Variants in INVS observed in about 807,000 individuals in gnomAD.
The protein encoded by INVS is inversin.
Under a neutral mutation model 108.8 loss-of-function variants are expected in INVS, and 86 were observed. The ratio of observed to expected loss-of-function variants is 0.79; its 90% CI spans 0.66 to 0.95. The LOEUF (loss-of-function observed/expected upper bound fraction) is 0.95. Among genes scored for constraint, INVS ranks in the 40% least tolerant of loss-of-function variants. The pLI is 0.00. For missense variants in INVS, 1,169 were observed against 1,297.4 expected, an observed-to-expected ratio of 0.90 and a Z score of 1.52; for synonymous variants, 455 against 473.5, an observed-to-expected ratio of 0.96 and a Z score of 0.51.
chr9:100,251,288 T>A (rs534223162), intron 8 of INVS, among the ~76,000 whole-genome samples: 1 of 152,348 alleles, frequency 6.6e-6, no homozygotes, highest in Non-Finnish European at 1.5e-5. Flanking sequence ...GCATCCAGGT[T>A]TGCTCTGTGG....
chr9:100,276,026 C>T (rs1833102919), intron 12 of INVS, among the ~76,000 whole-genome samples: 1 of 152,182 alleles, frequency 6.6e-6, no homozygotes, highest in Non-Finnish European at 1.5e-5. Flanking sequence ...TCTCAGATCT[C>T]CTGTAACTCT....
At chr9:100,117,112 G>C in intron 2 of INVS, 1 of 1,207,940 alleles carries the variant, frequency 8.3e-7, no homozygotes, top group Non-Finnish European at 1.2e-6. Context: ...GGGGCTTGCC[G>C]ATCTTGTTCC....
chr9:100,200,752 G>T (rs1259904570), intron 3 of INVS, among the ~76,000 whole-genome samples: 1 of 152,152 alleles, frequency 6.6e-6, no homozygotes, highest in African/African-American at 2.4e-5. Context: ...TCAATTCAGG[G>T]ATCAGCCAAG....
chr9:100,132,982 A>G (rs1163858418), intron 3 of INVS, among the ~76,000 whole-genome samples: 2 of 152,012 alleles, frequency 1.3e-5, no homozygotes, highest in Non-Finnish European at 2.9e-5. Context: ...GTGCGTGCCT[A>G]TAATCCCAGC....
chr9:100,290,335 A>G (rs750282650), intron 13 of INVS, among the ~76,000 whole-genome samples: 37 of 152,292 alleles, frequency 2.4e-4, no homozygotes, highest in Middle Eastern at 3.4e-3. Context: ...AGATATAGGT[A>G]TATTTTCTTA....
intron 3 of INVS, among the ~76,000 whole-genome samples, chr9:100,202,623 A>G (rs189442268): frequency 7.2e-5 from 11 of 152,016 alleles, no homozygotes; most frequent in Admixed American, 7.2e-4. Context: ...TATCGCTTTA[A>G]CCTTCCATGT....
At position 100,302,151 on chromosome 9, in the gene INVS, T is replaced by TAGAC; in HGVS notation, c.*1477_*1478insAGAC. The TAGAC allele has an allele frequency of 8.2e-7, 1 of 1,212,682 alleles. No homozygotes were observed. Among genetic ancestry groups the TAGAC allele is most frequent in the African/African-American group, 1.5e-5 (1 of 65,716 alleles). The allele number at this position is 1,212,682 out of a possible 1,614,324, so 75.1% of individuals were successfully genotyped here. On this transcript the variant is annotated 3_prime_UTR_variant, in exon 17 of 17. Coordinates refer to ENST00000262457, the MANE Select transcript of INVS (RefSeq NM_014425.5). ...AGTCTTTTTCTTCAAATAAGATAGA[T>TAGAC]GTGAATAAACAACTTCAAACAGGAG...
At chr9:100,124,589 T>C (rs1050895423) in intron 2 of INVS, among the ~76,000 whole-genome samples, 8 of 151,996 alleles carry the variant, frequency 5.3e-5, no homozygotes, top group South Asian at 2.1e-4. Context: ...CAGTCTATTA[T>C]GTTTCTCACA....
At chr9:100,198,428 A>G (rs2118212738) in intron 3 of INVS, among the ~76,000 whole-genome samples, 1 of 150,314 alleles carries the variant, frequency 6.7e-6, no homozygotes, top group South Asian at 2.1e-4. Context: ...AGTAGCTGGG[A>G]TTACAGGCAT....
chr9:100,282,447 T>C (rs1414282954), intron 12 of INVS, among the ~76,000 whole-genome samples: 1 of 152,174 alleles, frequency 6.6e-6, no homozygotes, highest in Non-Finnish European at 1.5e-5. Flanking sequence ...TAAGCAAGCT[T>C]GGACCCCAGA....
At chr9:100,239,937 C>A in intron 5 of INVS, 123 bp from the exon 6 acceptor site, 3 of 887,838 alleles carry the variant, frequency 3.4e-6, no homozygotes, top group South Asian at 2.8e-5. Flanking sequence ...CCACTGTACT[C>A]CAACCTGGGT....
intron 6 of INVS, 75 bp from the exon 7 acceptor site, chr9:100,242,495 T>C: frequency 1.1e-6 from 1 of 893,622 alleles, no homozygotes; most frequent in Non-Finnish European, 1.8e-6. Context: ...TTTTCTTATC[T>C]TTTTCATTTA....
rs564386875 is a variant in INVS at position 100,215,797 on chromosome 9, G to A, written c.274-10265G>A. Reference sequence around the variant, plus strand: ...AGGCACGAGGTGAGCCCAAGAGGAGGTGACAGAGGTCCCTGCTGGGAAGGG... The same window carrying A: ...AGGCACGAGGTGAGCCCAAGAGGAGATGACAGAGGTCCCTGCTGGGAAGGG... On this transcript the variant is annotated intron_variant, in intron 3 of 16. Coordinates refer to ENST00000262457, the MANE Select transcript of INVS (RefSeq NM_014425.5). Among the ~76,000 whole-genome samples, 3 of 152,290 alleles carry A rather than the reference G, an allele frequency of 2.0e-5. 1 individual carries two copies. The highest frequency in any genetic ancestry group is 4.4e-5 in the Non-Finnish European group (3 of 68,026).
At chr9:100,299,839 A>G (rs978715106) in intron 16 of INVS, among the ~76,000 whole-genome samples, 3 of 152,202 alleles carry the variant, frequency 2.0e-5, no homozygotes, top group African/African-American at 7.2e-5. Flanking sequence ...ACTCCATTCA[A>G]GATACAGTGA....
intron 3 of INVS, among the ~76,000 whole-genome samples, chr9:100,142,085 A>G (rs1164194363): frequency 2.0e-5 from 3 of 152,152 alleles, no homozygotes; most frequent in Admixed American, 6.5e-5. Flanking sequence ...GCCTAGAGCA[A>G]TGGGATCTGA....
At chr9:100,210,968 C>T (rs1186486367) in intron 3 of INVS, among the ~76,000 whole-genome samples, 2 of 151,798 alleles carry the variant, frequency 1.3e-5, no homozygotes, top group African/African-American at 4.8e-5. Flanking sequence ...AACAGTGGTT[C>T]TCAAAGTTTA....
intron 8 of INVS, among the ~76,000 whole-genome samples, chr9:100,250,253 A>G (rs1234519166): frequency 6.6e-6 from 1 of 152,244 alleles, no homozygotes; most frequent in Non-Finnish European, 1.5e-5. Context: ...ACAGTTGTCC[A>G]GTGAACTCAA....
At chr9:100,140,958 G>A (rs947904951) in intron 3 of INVS, among the ~76,000 whole-genome samples, 4 of 152,148 alleles carry the variant, frequency 2.6e-5, no homozygotes, top group South Asian at 2.1e-4. Flanking sequence ...GCCTAAGGAG[G>A]TTCAGCATAG....
intron 3 of INVS, among the ~76,000 whole-genome samples, chr9:100,136,443 C>A (rs7021923): frequency 1.3e-5 from 2 of 151,870 alleles, no homozygotes; most frequent in Non-Finnish European, 1.5e-5. Context: ...ATTCATATAT[C>A]CCCACGATAT....
Sources: allele counts gnomAD v4.1 joint callset (sites outside exome capture counted in the v4.1 genomes callset), GRCh38; gene constraint gnomAD v4.1.1; transcripts MANE v1.5; gene names NCBI Gene and HGNC (gene_info 2026-07-23, HGNC 2026-07-21).